The following PCSK2 variants were observed in gnomAD, a reference collection of about 807,000 sequenced individuals.
The protein encoded by PCSK2 is proprotein convertase subtilisin/kexin type 2, also known as neuroendocrine convertase 2.
In PCSK2, 14 loss-of-function variants were observed where a neutral mutation model predicts 69.7. The ratio of observed to expected loss-of-function variants is 0.20; its 90% confidence interval spans 0.13 to 0.31. The LOEUF is 0.31. Among genes scored for constraint, PCSK2 ranks in the 10% least tolerant of loss-of-function variants. The probability of loss-of-function intolerance (pLI) is 1.00; values close to 1 mark genes in which losing one functional copy is unlikely to be tolerated. For synonymous variants in PCSK2, 307 were observed against 320.7 expected, an observed-to-expected ratio of 0.96 and a Z score of 0.46; for missense variants, 544 against 842.5, an observed-to-expected ratio of 0.65 and a Z score of 4.39.
chr20:17,330,188 C>A (rs973764011), intron 2 of PCSK2, among the ~76,000 whole-genome samples: 1 of 152,208 alleles, frequency 6.6e-6, no homozygotes, highest in Admixed American at 6.5e-5. Context: ...TCAATTCAGA[C>A]TGCCAAGTTT....
chr20:17,254,666 A>G (rs1306696793), intron 1 of PCSK2, among the ~76,000 whole-genome samples: 1 of 152,158 alleles, frequency 6.6e-6, no homozygotes, highest in Non-Finnish European at 1.5e-5. Context: ...CTTTATTAAG[A>G]TTATTTTGGC....
chr20:17,450,008 A>T (rs1160518496), intron 8 of PCSK2, among the ~76,000 whole-genome samples: 48 of 67,766 alleles, frequency 7.1e-4, no homozygotes, highest in Admixed American at 1.3e-3. Flanking sequence ...AGTTTGTTGA[A>T]TTTCTTCCCT....
chr20:17,416,527 T>A (rs2032002529), intron 6 of PCSK2, among the ~76,000 whole-genome samples: 1 of 151,308 alleles, frequency 6.6e-6, no homozygotes. Flanking sequence ...AAACAACAAA[T>A]GCTGGAGAGG....
intron 2 of PCSK2, among the ~76,000 whole-genome samples, chr20:17,262,627 G>A (rs963257715): frequency 1.3e-5 from 2 of 152,100 alleles, no homozygotes; most frequent in South Asian, 4.1e-4. Context: ...ACTATGAACA[G>A]TGCAAAGATA....
intron 2 of PCSK2, among the ~76,000 whole-genome samples, chr20:17,330,590 C>T (rs1348631194): frequency 2.0e-5 from 3 of 151,920 alleles, no homozygotes; most frequent in Non-Finnish European, 2.9e-5. Context: ...GCACTCCAGC[C>T]TGGGCGACAG....
rs141285497 is a variant in PCSK2, at chr20:17,451,806, C to T, written c.886-1936C>T. 3.9e-4 allele frequency among the ~76,000 whole-genome samples: 60 copies of T among 152,048 alleles called. 2 individuals are homozygous for T. The East Asian group carries it at 0.011, about 27-fold the overall frequency. ...CATCGATTTCCTTCATTTTAGCAAA[C>T]GTTGCTTCATCTCACTAGCAGTCTA... is the stretch of plus-strand genomic sequence containing the variant. On this transcript the variant is annotated intron_variant, in intron 8 of 11. Transcript: ENST00000262545.
chr20:17,283,989 G>A (rs2123051601), intron 2 of PCSK2, among the ~76,000 whole-genome samples: 1 of 152,288 alleles, frequency 6.6e-6, no homozygotes, highest in East Asian at 1.9e-4. Flanking sequence ...TAATGAGTGT[G>A]ACTCCAGCCA....
At chr20:17,296,833 C>T (rs868327698) in intron 2 of PCSK2, among the ~76,000 whole-genome samples, 19 of 152,252 alleles carry the variant, frequency 1.2e-4, no homozygotes, top group Non-Finnish European at 2.6e-4. Context: ...AGCCCACTTA[C>T]GACAGCTCTT....
chr20:17,399,631 T>C (rs1445379585), intron 5 of PCSK2, among the ~76,000 whole-genome samples: 2 of 152,154 alleles, frequency 1.3e-5, no homozygotes, highest in Non-Finnish European at 2.9e-5. Flanking sequence ...GTCACTGGCA[T>C]AATAAGGATT....
At chr20:17,405,962 G>C (rs1236460161) in intron 5 of PCSK2, among the ~76,000 whole-genome samples, 3 of 152,126 alleles carry the variant, frequency 2.0e-5, no homozygotes, top group Non-Finnish European at 2.9e-5. Flanking sequence ...TCTCGATCCT[G>C]AATCATCAGA....
At chr20:17,387,687 T>C (rs934576944) in intron 5 of PCSK2, among the ~76,000 whole-genome samples, 2 of 152,326 alleles carry the variant, frequency 1.3e-5, no homozygotes, top group South Asian at 2.1e-4. Flanking sequence ...ATTGGTTATA[T>C]GGGTCAGCCT....
chr20:17,275,693 T>G (rs1488192272), intron 2 of PCSK2, among the ~76,000 whole-genome samples: 1 of 152,154 alleles, frequency 6.6e-6, no homozygotes, highest in Non-Finnish European at 1.5e-5. Context: ...GATTTACATT[T>G]TCTTTGAAGT....
intron 2 of PCSK2, among the ~76,000 whole-genome samples, chr20:17,348,588 G>A (rs1457395719): frequency 1.3e-5 from 2 of 152,132 alleles, no homozygotes; most frequent in African/African-American, 2.4e-5. Flanking sequence ...CATATGGGGG[G>A]CCACAGCCAG....
At chr20:17,270,298 C>T (rs1288335623) in intron 2 of PCSK2, among the ~76,000 whole-genome samples, 1 of 152,050 alleles carries the variant, frequency 6.6e-6, no homozygotes, top group East Asian at 1.9e-4. Context: ...GATCACATCT[C>T]TTTCTATAAA....
intron 2 of PCSK2, among the ~76,000 whole-genome samples, chr20:17,279,021 G>A (rs1314350682): frequency 6.6e-6 from 1 of 152,172 alleles, no homozygotes; most frequent in Admixed American, 6.5e-5. Flanking sequence ...ACTTCACGAT[G>A]TAGTGGTTGC....
At chr20:17,238,504 G>A (rs1934884) in intron 1 of PCSK2, among the ~76,000 whole-genome samples, 5,990 of 152,156 alleles carry the variant, frequency 0.039, 390 homozygotes, top group African/African-American at 0.14. Context: ...AAAGGGCATC[G>A]AACACTATGT....
intron 11 of PCSK2, among the ~76,000 whole-genome samples, chr20:17,466,747 A>T (rs1467332298): frequency 1.3e-5 from 2 of 152,226 alleles, no homozygotes; most frequent in Admixed American, 6.5e-5. Flanking sequence ...CACCCTGGTA[A>T]CTACCACTGA....
In PCSK2 at chr20:17,301,574, T is replaced by C. The variant is rs1342774963; in HGVS notation, c.282+41230T>C. 2.6e-5 allele frequency among the ~76,000 whole-genome samples: 4 copies of C among 152,172 alleles called. No individual in the cohort carries two copies. The East Asian group carries it at 5.8e-4, about 22-fold the overall frequency. ...TTTTGGATAGTCTTCTTGGAGAAAATGGGATATCACCTTATATTAGAGATT... is the reference window on the plus strand; with the variant it reads ...TTTTGGATAGTCTTCTTGGAGAAAACGGGATATCACCTTATATTAGAGATT... On this transcript the variant is annotated intron_variant, in intron 2 of 11. Transcript: ENST00000262545.
intron 2 of PCSK2, among the ~76,000 whole-genome samples, chr20:17,287,205 C>T (rs867552731): frequency 1.3e-5 from 2 of 152,146 alleles, no homozygotes; most frequent in East Asian, 1.9e-4. Flanking sequence ...TTTGACCAAA[C>T]ATCTGAGCCT....
Sources: gnomAD v4.1 joint callset for allele counts (sites outside exome capture counted in the v4.1 genomes callset) on GRCh38, gnomAD v4.1.1 for gene constraint, MANE v1.5 for transcripts, NCBI Gene and HGNC (gene_info 2026-07-23, HGNC 2026-07-21) for gene names.